ANKRD36C: variants seen among roughly 807,000 people sequenced by gnomAD.
The protein encoded by ANKRD36C is ankyrin repeat domain-containing protein 36C.
Under a neutral mutation model 276.4 loss-of-function variants are expected in ANKRD36C, and 61 were observed. The ratio of observed to expected loss-of-function variants is 0.22; its 90% CI spans 0.18 to 0.27. ANKRD36C has a LOEUF of 0.27. ANKRD36C is among the 10% of genes least tolerant of loss of function. ANKRD36C has a pLI of 1.00. For synonymous variants in ANKRD36C, 483 were observed against 680.1 expected, an observed-to-expected ratio of 0.71 and a Z score of 4.51; for missense variants, 1,447 against 2,032.3, an observed-to-expected ratio of 0.71 and a Z score of 5.54.
At chr2:95,919,020 G>C (rs1167067886) in intron 34 of ANKRD36C, among the ~76,000 whole-genome samples, 9 of 100,828 alleles carry the variant, frequency 8.9e-5, no homozygotes, top group Admixed American at 1.1e-4. Flanking sequence ...ATTTTTATAA[G>C]TAAAGTCAAC....
intron 36 of ANKRD36C, 131 bp downstream of exon 38, chr2:95,917,724 C>A (rs1677142589): frequency 8.0e-7 from 1 of 1,245,226 alleles, no homozygotes; most frequent in Admixed American, 2.7e-5. Context: ...AATGAAGACT[C>A]TCAGGACTGC....
At chr2:95,957,854 A>G (rs1678366877) in intron 12 of ANKRD36C, among the ~76,000 whole-genome samples, 2 of 152,212 alleles carry the variant, frequency 1.3e-5, no homozygotes, top group Admixed American at 1.3e-4. Context: ...AAGCCAATGT[A>G]TGCATATTTA....
rs75150222 is a variant in ANKRD36C, at chr2:95,852,458, G to C, written c.5149-262C>G. 1.2e-5 allele frequency: 5 copies of C among 403,420 alleles called. No homozygotes were observed. In the South Asian group the frequency reaches 1.5e-4, roughly 12 times the overall value. The allele number at this position is 403,420 out of a possible 1,614,324, so 25.0% of individuals were successfully genotyped here. On this transcript the variant is annotated intron_variant, in intron 64 of 66. Coordinates refer to ENST00000456556, the Ensembl canonical transcript of ANKRD36C. The stretch of plus-strand genomic sequence containing the variant: ...CTGCAGGGCTGAGTTATTGCAACAA[G>C]GATCTTATGGCTCACAAAGCCTTAA...
chr2:95,863,536 A>T (rs898665313), intron 60 of ANKRD36C, among the ~76,000 whole-genome samples: 1 of 152,128 alleles, frequency 6.6e-6, no homozygotes, highest in Non-Finnish European at 1.5e-5. Context: ...ACCAAGAAGA[A>T]AATTCCCTCA....
At chr2:95,876,896 T>G (rs1445116518) in intron 58 of ANKRD36C, among the ~76,000 whole-genome samples, 1 of 103,690 alleles carries the variant, frequency 9.6e-6, no homozygotes, top group Non-Finnish European at 2.1e-5. Context: ...AACCAGAAAA[T>G]AAAAGTGTTT....
intron 4 of ANKRD36C, among the ~76,000 whole-genome samples, chr2:95,981,941 A>G (rs1678931606): frequency 1.3e-5 from 2 of 152,184 alleles, no homozygotes; most frequent in African/African-American, 4.8e-5. Flanking sequence ...ACATTATTAC[A>G]TTGTAAATAA....
At chr2:95,972,044 C>T (rs909529080) in intron 6 of ANKRD36C, among the ~76,000 whole-genome samples, 6 of 152,110 alleles carry the variant, frequency 3.9e-5, no homozygotes, top group African/African-American at 1.4e-4. Context: ...ATTTTTAAGA[C>T]ACCTAAAATT....
At chr2:95,875,163 T>TTA in intron 59 of ANKRD36C, among the ~76,000 whole-genome samples, 1 of 152,104 alleles carries the variant, frequency 6.6e-6, no homozygotes, top group Admixed American at 6.6e-5. Context: ...CATTTGACCC[T>TTA]GCCATCCCAT....
intron 36 of ANKRD36C, 135 bp downstream of exon 38, chr2:95,917,720 G>T: frequency 2.5e-6 from 3 of 1,197,134 alleles, no homozygotes; most frequent in Non-Finnish European, 3.5e-6. Context: ...TACAAATGAA[G>T]ACTCTCAGGA....
At chr2:95,931,831 G>A (rs1249805054) in intron 24 of ANKRD36C, among the ~76,000 whole-genome samples, 2 of 127,582 alleles carry the variant, frequency 1.6e-5, no homozygotes, top group Non-Finnish European at 3.6e-5. Context: ...TTTCAGAAGA[G>A]AAAAAAATAC....
chr2:95,870,457 C>G (rs1351202346), intron 59 of ANKRD36C, among the ~76,000 whole-genome samples: 2 of 152,204 alleles, frequency 1.3e-5, no homozygotes, highest in Admixed American at 6.5e-5. Context: ...TGAGGGTTCT[C>G]TCTGGTAGAA....
chr2:95,949,205 G>A (rs1251510639), intron 16 of ANKRD36C, among the ~76,000 whole-genome samples: 1 of 152,068 alleles, frequency 6.6e-6, no homozygotes, highest in Non-Finnish European at 1.5e-5. Flanking sequence ...AAAAGTCAAA[G>A]TACAAATGTA....
At chr2:95,894,517 T>G (rs552466108) in intron 44 of ANKRD36C, among the ~76,000 whole-genome samples, 1 of 151,598 alleles carries the variant, frequency 6.6e-6, no homozygotes, top group African/African-American at 2.4e-5. Context: ...CAATATTCAT[T>G]GAAAATGATC....
At chr2:95,925,615 AGT>A (rs1677383690) in intron 28 of ANKRD36C, 68 bp from the exon 29 acceptor site, 1 of 1,447,000 alleles carries the variant, frequency 6.9e-7, no homozygotes, top group Admixed American at 2.1e-5. Flanking sequence ...ACATTCATGC[AGT>A]GTTAGCATCA....
intron 21 of ANKRD36C, 34 bp from the exon 22 acceptor site, chr2:95,938,935 T>C (rs1330255047): frequency 6.5e-7 from 1 of 1,537,256 alleles, no homozygotes. Context: ...GATTAACATA[T>C]CATGTATATA....
intron 60 of ANKRD36C, among the ~76,000 whole-genome samples, chr2:95,865,554 T>C (rs1264798841): frequency 6.6e-6 from 1 of 152,112 alleles, no homozygotes; most frequent in East Asian, 1.9e-4. Flanking sequence ...AATATTTGCA[T>C]ATACATGATG....
chr2:95,908,858 C>A (rs1230137202), intron 42 of ANKRD36C, among the ~76,000 whole-genome samples, 161 bp from the exon 47 acceptor site: 2 of 151,044 alleles, frequency 1.3e-5, no homozygotes, highest in Non-Finnish European at 3.0e-5. Flanking sequence ...GACAGAAATA[C>A]GCTGAGAAAA....
intron 38 of ANKRD36C, among the ~76,000 whole-genome samples, chr2:95,914,747 A>T (rs182061211): frequency 2.0e-5 from 3 of 151,562 alleles, no homozygotes; most frequent in Non-Finnish European, 3.0e-5. Flanking sequence ...ACTTGCCCAA[A>T]AACTGAGAAG....
intron 60 of ANKRD36C, 135 bp from the exon 81 acceptor site, chr2:95,860,209 G>T: frequency 1.4e-6 from 1 of 692,292 alleles, no homozygotes; most frequent in Non-Finnish European, 2.4e-6. Flanking sequence ...CAAAGTGGAA[G>T]ATATTATAGT....
Sources: allele counts gnomAD v4.1 joint callset (sites outside exome capture counted in the v4.1 genomes callset), GRCh38; gene constraint gnomAD v4.1.1; transcripts MANE v1.5; gene names NCBI Gene and HGNC (gene_info 2026-07-23, HGNC 2026-07-21).